Variants in DLGAP1 observed in about 807,000 individuals in gnomAD.
DLGAP1 encodes disks large-associated protein 1.
DLGAP1 carries 11 observed loss-of-function variants against 90.8 expected under a neutral mutation model. That is an observed-to-expected ratio of 0.12 (90% CI 0.08 to 0.20). The LOEUF is 0.20. Ranked by LOEUF, DLGAP1 falls within the 10% of genes least tolerant of loss-of-function variation. The pLI is 1.00. For synonymous variants in DLGAP1, 558 were observed against 540.7 expected (o/e 1.03, Z -0.44); for missense variants, 1,050 against 1,333.8 (o/e 0.79, Z 3.31).
At chr18:3,818,132 A>G (rs1312364867) in intron 4 of DLGAP1, among the ~76,000 whole-genome samples, 1 of 152,206 alleles carries the variant, frequency 6.6e-6, no homozygotes, top group Non-Finnish European at 1.5e-5. Context: ...ATTGCTTTTT[A>G]ATTATTATGT....
chr18:4,044,461 G>A (rs1043742595), intron 2 of DLGAP1, among the ~76,000 whole-genome samples: 12 of 152,172 alleles, frequency 7.9e-5, no homozygotes, highest in African/African-American at 1.9e-4. Flanking sequence ...TACAAATCCC[G>A]GCCAGGCATG....
At chr18:3,887,960 T>A (rs1024846006) in intron 3 of DLGAP1, among the ~76,000 whole-genome samples, 2 of 151,328 alleles carry the variant, frequency 1.3e-5, no homozygotes, top group South Asian at 4.2e-4. Context: ...TACAAAAAAT[T>A]AGCCAGGCGT....
intron 1 of DLGAP1, among the ~76,000 whole-genome samples, chr18:4,330,216 T>A (rs930868358): frequency 3.3e-5 from 5 of 149,706 alleles, no homozygotes; most frequent in Non-Finnish European, 5.9e-5. Context: ...GATACTCATA[T>A]AATTTTCTTG....
Position 4,060,725 on chromosome 18 carries a change from G to A in DLGAP1, c.-158-55524C>T, listed in dbSNP as rs368358759. Among the ~76,000 whole-genome samples the A allele has an allele frequency of 2.3e-4, 35 of 152,172 alleles. 1 individual carries two copies. Among genetic ancestry groups the A allele is most frequent in the African/African-American group, 7.7e-4 (32 of 41,512 alleles). On this transcript the variant is annotated intron_variant, in intron 2 of 12. Coordinates refer to ENST00000315677, the MANE Select transcript of DLGAP1 (RefSeq NM_004746.4). Reference sequence around the variant, plus strand: ...TTATCAAGGTAAATAAGTATTTCTCGTAAGGAAGATTATAAATAAAAATAT... The same window carrying A: ...TTATCAAGGTAAATAAGTATTTCTCATAAGGAAGATTATAAATAAAAATAT...
At chr18:3,811,096 G>A (rs766509500) in intron 5 of DLGAP1, among the ~76,000 whole-genome samples, 18 of 152,178 alleles carry the variant, frequency 1.2e-4, no homozygotes, top group African/African-American at 1.7e-4. Context: ...GTAAGCCACC[G>A]TGCCAGGCCA....
At chr18:4,154,569 A>G (rs1351633478) in intron 1 of DLGAP1, among the ~76,000 whole-genome samples, 2 of 152,132 alleles carry the variant, frequency 1.3e-5, no homozygotes, top group African/African-American at 4.8e-5. Flanking sequence ...CACACTACAA[A>G]GGTATTGCAT....
chr18:3,739,978 T>C (rs1234161370), intron 6 of DLGAP1, among the ~76,000 whole-genome samples: 1 of 152,182 alleles, frequency 6.6e-6, no homozygotes, highest in Non-Finnish European at 1.5e-5. Flanking sequence ...GGTATCTTAC[T>C]AAGCTATCAT....
In DLGAP1 at chr18:3,502,346, T is replaced by C. The variant is rs1598953323; in HGVS notation, c.2724+147A>G. 4.2e-6 allele frequency: 6 copies of C among 1,438,306 alleles called. No individual in the cohort carries two copies. In the East Asian group the frequency reaches 1.0e-4, roughly 24 times the overall value. 89.1% of individuals were successfully genotyped at this position (1,438,306 alleles called of 1,614,324 possible). The stretch of plus-strand genomic sequence containing the variant: ...CAGATAATATCCCAAATGATTACTA[T>C]GTAAACATTGTCATTACAATGAAAT... On this transcript the variant is annotated intron_variant, in intron 12 of 12. Transcript: ENST00000315677.
intron 9 of DLGAP1, among the ~76,000 whole-genome samples, chr18:3,548,160 C>T (rs62083994): frequency 6.6e-6 from 1 of 152,162 alleles, no homozygotes; most frequent in East Asian, 1.9e-4. Flanking sequence ...TATTTTGGAA[C>T]TAAGTCGTGA....
intron 1 of DLGAP1, among the ~76,000 whole-genome samples, chr18:4,439,580 AG>A (rs1273213811): frequency 2.6e-5 from 4 of 151,662 alleles, no homozygotes; most frequent in African/African-American, 9.7e-5. Context: ...CAAAGGCAGG[AG>A]GATTGCTAGA....
At chr18:4,057,344 T>G (rs1437713444) in intron 2 of DLGAP1, among the ~76,000 whole-genome samples, 20 of 152,172 alleles carry the variant, frequency 1.3e-4, no homozygotes, top group Non-Finnish European at 2.8e-4. Flanking sequence ...TATATGACCT[T>G]GTAGGAACAC....
At chr18:3,957,561 C>T (rs1480243828) in intron 3 of DLGAP1, among the ~76,000 whole-genome samples, 4 of 152,058 alleles carry the variant, frequency 2.6e-5, no homozygotes, top group South Asian at 2.1e-4. Flanking sequence ...TTTTTAAAAT[C>T]GTTAGACATT....
At chr18:4,206,313 G>A (rs368934880) in intron 1 of DLGAP1, among the ~76,000 whole-genome samples, 13 of 152,196 alleles carry the variant, frequency 8.5e-5, no homozygotes, top group South Asian at 4.2e-4. Flanking sequence ...TTTAAGCTAG[G>A]TTAAACAAGA....
intron 8 of DLGAP1, among the ~76,000 whole-genome samples, chr18:3,573,256 C>A (rs978262270): frequency 6.6e-6 from 1 of 152,176 alleles, no homozygotes; most frequent in African/African-American, 2.4e-5. Flanking sequence ...AATCCCAGCA[C>A]TTTGGGAAGC....
At chr18:3,922,003 AG>A (rs1249441929) in intron 3 of DLGAP1, among the ~76,000 whole-genome samples, 1 of 152,086 alleles carries the variant, frequency 6.6e-6, no homozygotes, top group Non-Finnish European at 1.5e-5. Context: ...CTCAGACCTG[AG>A]GGGATGCCAA....
At chr18:4,435,112 C>T (rs2083372065) in intron 1 of DLGAP1, among the ~76,000 whole-genome samples, 1 of 152,078 alleles carries the variant, frequency 6.6e-6, no homozygotes, top group Non-Finnish European at 1.5e-5. Flanking sequence ...AATGTAACTT[C>T]AGAGAATAGT....
intron 10 of DLGAP1, among the ~76,000 whole-genome samples, chr18:3,527,395 A>AGGTTATTT (rs1442187206): frequency 8.8e-6 from 1 of 113,528 alleles, no homozygotes; most frequent in African/African-American, 3.1e-5. Context: ...GTGAGTAAAC[A>AGGTTATTT]GGTTATTTTC....
chr18:4,271,753 T>A (rs535443697), intron 1 of DLGAP1, among the ~76,000 whole-genome samples: 5 of 152,304 alleles, frequency 3.3e-5, no homozygotes, highest in African/African-American at 1.2e-4. Context: ...TCTTAGTGAT[T>A]TTAACCCACC....
intron 7 of DLGAP1, among the ~76,000 whole-genome samples, chr18:3,652,150 C>A (rs1463339032): frequency 2.3e-5 from 3 of 131,264 alleles, no homozygotes; most frequent in African/African-American, 9.1e-5. Flanking sequence ...GGCGACAGAG[C>A]GAGACTCTGT....
Sources: allele counts gnomAD v4.1 joint callset (sites outside exome capture counted in the v4.1 genomes callset), GRCh38; gene constraint gnomAD v4.1.1; transcripts MANE v1.5; gene names NCBI Gene and HGNC (gene_info 2026-07-23, HGNC 2026-07-21).